The following ATXN10 variants were observed in gnomAD, a reference collection of about 807,000 sequenced individuals.
ATXN10 encodes the protein ataxin 10.
In ATXN10, 28 loss-of-function variants were observed where a neutral mutation model predicts 52.9. The ratio of observed to expected loss-of-function variants is 0.53; its 90% CI spans 0.39 to 0.73. ATXN10 has a LOEUF of 0.73. Among genes scored for constraint, ATXN10 ranks in the 30% least tolerant of loss-of-function variants. The pLI is 0.00. For synonymous variants in ATXN10, 226 were observed against 221.5 expected (o/e 1.02, Z -0.18); for missense variants, 565 against 577.0 (o/e 0.98, Z 0.21).
At chr22:45,751,748 AAAAAAAT>A (rs1925966308) in intron 9 of ATXN10, among the ~76,000 whole-genome samples, 3 of 64,802 alleles carry the variant, frequency 4.6e-5, no homozygotes, top group South Asian at 6.2e-4. Flanking sequence ...TGGAAAAAAA[AAAAAAAT>A]AAAAAAAAAA....
chr22:45,706,407 C>T (rs1345293377), intron 5 of ATXN10, among the ~76,000 whole-genome samples: 1 of 151,938 alleles, frequency 6.6e-6, no homozygotes, highest in Admixed American at 6.6e-5. Flanking sequence ...TTTCTTTTTG[C>T]TGTAATCTTT....
chr22:45,811,765 C>T (rs1928289098), intron 10 of ATXN10: 1 of 471,032 alleles, frequency 2.1e-6, no homozygotes, highest in Non-Finnish European at 4.4e-6. Context: ...CCTAACTCAT[C>T]TTTCAGTTTC....
intron 9 of ATXN10, among the ~76,000 whole-genome samples, chr22:45,792,224 T>C (rs1249065764): frequency 1.3e-5 from 2 of 152,170 alleles, no homozygotes; most frequent in African/African-American, 2.4e-5. Flanking sequence ...ATAAATTAGA[T>C]TAAGAGGAGG....
chr22:45,831,323 T>C (rs1205849403), intron 10 of ATXN10, among the ~76,000 whole-genome samples: 2 of 152,136 alleles, frequency 1.3e-5, no homozygotes, highest in African/African-American at 2.4e-5. Context: ...TGTGTACTCT[T>C]TAGTATAGTT....
intron 10 of ATXN10, among the ~76,000 whole-genome samples, chr22:45,811,296 A>G (rs1038526375): frequency 6.6e-6 from 1 of 152,176 alleles, no homozygotes; most frequent in Non-Finnish European, 1.5e-5. Context: ...TAATATAGCT[A>G]TCCTAGCTTG....
At chr22:45,699,677 T>C (rs767851615) in intron 3 of ATXN10, among the ~76,000 whole-genome samples, 12 of 151,354 alleles carry the variant, frequency 7.9e-5, no homozygotes, top group Non-Finnish European at 1.6e-4. Flanking sequence ...TTTTCAGTAG[T>C]GACGGGGTTT....
chr22:45,719,532 G>T (rs977432946), intron 6 of ATXN10, among the ~76,000 whole-genome samples: 1 of 150,936 alleles, frequency 6.6e-6, no homozygotes, highest in East Asian at 1.9e-4. Context: ...GAGATAATAC[G>T]ACATACAGTG....
chr22:45,703,844 A>G (rs765060692), intron 5 of ATXN10: 1 of 152,244 alleles, frequency 6.6e-6, no homozygotes, highest in African/African-American at 2.4e-5. Flanking sequence ...CACCAAACTC[A>G]TTAGAACCTG....
rs79016257 is a variant in ATXN10 at position 45,684,371 on chromosome 22, G to C, written c.117-5341G>C. On this transcript the variant is annotated intron_variant, in intron 1 of 11. Coordinates refer to ENST00000252934, the MANE Select transcript of ATXN10 (RefSeq NM_013236.4). This position sits in a 1 kb window ranked among gnomAD's most constrained non-coding sequence, Gnocchi z 4.1. ...TTTTTGGGGAGTGGGGAGAGGACTGGTATGTTTGGAGCCCTTTAAAGCAGG... is the reference window on the plus strand; with the variant it reads ...TTTTTGGGGAGTGGGGAGAGGACTGCTATGTTTGGAGCCCTTTAAAGCAGG... 0.029 allele frequency among the ~76,000 whole-genome samples: 4,433 copies of C among 152,170 alleles called. 106 individuals are homozygous for C. Among genetic ancestry groups the C allele is most frequent in the Non-Finnish European group, 0.042 (2,866 of 67,996 alleles).
chr22:45,729,515 G>C lies in ATXN10; in HGVS notation c.819G>C (p.Glu273Asp). ...DDIPVFLRHA[E>D]LIASTFVDQC... ...TCCCTGTGTTTTTGCGGCATGCTGA[G>C]TTGATTGCAAGCACCTTTGTGGATC... The change falls in exon 7 of 12, where the codon GAG becomes GAC. Residue 273 changes from glutamate (E) to aspartate (D), a missense_variant. Transcript: ENST00000252934. 1.2e-6 allele frequency: 2 copies of C among 1,614,168 alleles called. No homozygotes were observed. Among genetic ancestry groups the C allele is most frequent in the Non-Finnish European group, 1.7e-6 (2 of 1,180,038 alleles).
chr22:45,808,578 T>C (rs1928179874), intron 10 of ATXN10, among the ~76,000 whole-genome samples: 1 of 152,244 alleles, frequency 6.6e-6, no homozygotes, highest in African/African-American at 2.4e-5. Context: ...TTTACACCCA[T>C]TGCCTTATTG....
chr22:45,811,006 G>A (rs1189164243), intron 10 of ATXN10, among the ~76,000 whole-genome samples: 1 of 152,114 alleles, frequency 6.6e-6, no homozygotes, highest in African/African-American at 2.4e-5. Flanking sequence ...GTATAGTAAT[G>A]TTTATACATA....
At chr22:45,692,864 C>T (rs1569024994) in intron 2 of ATXN10, 132 bp from the exon 3 acceptor site, 6 of 759,872 alleles carry the variant, frequency 7.9e-6, no homozygotes, top group Non-Finnish European at 1.1e-5. Context: ...CTGTAAAGAG[C>T]CAGATAATAA....
Position 45,828,662 on chromosome 22 carries a change from T to A in ATXN10, c.1238-14329T>A, listed in dbSNP as rs1928894205. ...GATAATGTAAATGAAATGGACAAAT[T>A]CCTAGAAACTCAAAACCTATTATAA... On this transcript the variant is annotated intron_variant, in intron 10 of 11. Transcript: ENST00000252934. The surrounding 1 kb of genome is among the most constrained non-coding windows in gnomAD (Gnocchi z 4.5). 6.6e-6 allele frequency among the ~76,000 whole-genome samples: 1 copy of A among 152,186 alleles called. No homozygotes were observed. The highest frequency in any genetic ancestry group is 2.4e-5 in the African/African-American group (1 of 41,454).
At chr22:45,729,662 A>T (rs754698393) in intron 7 of ATXN10, 72 bp downstream of exon 7, 1 of 1,511,420 alleles carries the variant, frequency 6.6e-7, no homozygotes, top group African/African-American at 1.4e-5. Context: ...CAAGTCCTGT[A>T]TGAGAATTCT....
At chr22:45,792,718 CT>C in intron 9 of ATXN10, 1 of 393,596 alleles carries the variant, frequency 2.5e-6, no homozygotes. Flanking sequence ...TTAATTCAGT[CT>C]TTTTTATTTT....
At chr22:45,777,880 C>T (rs892249989) in intron 9 of ATXN10, among the ~76,000 whole-genome samples, 1 of 152,200 alleles carries the variant, frequency 6.6e-6, no homozygotes, top group African/African-American at 2.4e-5. Context: ...CTGCAAGTCT[C>T]CCTTTCATAG....
At chr22:45,788,416 A>G (rs1402757262) in intron 9 of ATXN10, among the ~76,000 whole-genome samples, 2 of 151,092 alleles carry the variant, frequency 1.3e-5, no homozygotes, top group Non-Finnish European at 2.9e-5. Context: ...ACAGTCCTAG[A>G]GAGCAGTTAG....
chr22:45,707,563 A>C (rs1271608141), intron 5 of ATXN10, among the ~76,000 whole-genome samples: 1 of 150,824 alleles, frequency 6.6e-6, no homozygotes, highest in Admixed American at 6.6e-5. Context: ...TATTTTAATC[A>C]TCTGCAGTTT....
Sources: gnomAD v4.1 joint callset for allele counts (sites outside exome capture counted in the v4.1 genomes callset) on GRCh38, gnomAD v4.1.1 for gene constraint, Gnocchi (gnomAD v3.1) non-coding constraint, MANE v1.5 for transcripts, NCBI Gene and HGNC (gene_info 2026-07-23, HGNC 2026-07-21) for gene names.